PSD3: variants seen among roughly 807,000 people sequenced by gnomAD.
PSD3 encodes the protein pleckstrin and Sec7 domain containing 3.
In PSD3, 49 loss-of-function variants were observed where a neutral mutation model predicts 105.5. That is an observed-to-expected ratio of 0.46 (90% CI 0.37 to 0.59). The LOEUF (loss-of-function observed/expected upper bound fraction) is 0.59. Among genes scored for constraint, PSD3 ranks in the 20% least tolerant of loss-of-function variants. The pLI, the probability that PSD3 is intolerant of heterozygous loss-of-function variation, is 0.00. For synonymous variants in PSD3, 557 were observed against 457.8 expected, an observed-to-expected ratio of 1.22 and a Z score of -2.77; for missense variants, 1,561 against 1,263.8, an observed-to-expected ratio of 1.24 and a Z score of -3.57.
chr8:18,594,890 CT>C (rs1294644931), intron 12 of PSD3, among the ~76,000 whole-genome samples: 3 of 151,376 alleles, frequency 2.0e-5, no homozygotes, highest in Middle Eastern at 3.4e-3. Context: ...CTTTGTGGAA[CT>C]TTTTTTTTCT....
At chr8:18,832,279 C>T (rs1476057820) in intron 4 of PSD3, among the ~76,000 whole-genome samples, 2 of 152,090 alleles carry the variant, frequency 1.3e-5, no homozygotes, top group African/African-American at 2.4e-5. Flanking sequence ...TCTTGCTTCA[C>T]GTCCAAGGAT....
chr8:18,538,014 G>A (rs1179403244), intron 15 of PSD3, among the ~76,000 whole-genome samples: 1 of 152,168 alleles, frequency 6.6e-6, no homozygotes, highest in Admixed American at 6.5e-5. Context: ...ACATGGACAT[G>A]ACTCCTAAAG....
rs1447333039 is a variant in PSD3, at chr8:18,622,459, A to C, written c.2410+10154T>G. Reference sequence around the variant, plus strand: ...TGCTGTGCTAGATGAGAATTTAACAAACTTAACTATGCCATTCCATCTTCC... The same window carrying C: ...TGCTGTGCTAGATGAGAATTTAACACACTTAACTATGCCATTCCATCTTCC... On this transcript the variant is annotated intron_variant, in intron 11 of 15. Coordinates refer to ENST00000327040, the MANE Select transcript of PSD3 (RefSeq NM_015310.4). Among the ~76,000 whole-genome samples the C allele has an allele frequency of 2.0e-5, 3 of 152,220 alleles. No homozygotes were observed. The East Asian group carries it at 5.8e-4, about 29-fold the overall frequency.
intron 4 of PSD3, among the ~76,000 whole-genome samples, chr8:18,842,505 G>A (rs1018541452): frequency 3.3e-5 from 5 of 152,122 alleles, no homozygotes; most frequent in South Asian, 2.1e-4. Context: ...AGTCCGAGGC[G>A]GGCGGATCAC....
chr8:19,061,683 T>C (rs748429155), intron 1 of PSD3, among the ~76,000 whole-genome samples: 2 of 151,880 alleles, frequency 1.3e-5, no homozygotes, highest in Non-Finnish European at 2.9e-5. Flanking sequence ...GGTGTGCCTG[T>C]AATCCCAGCT....
chr8:19,027,957 T>C (rs182783543), intron 1 of PSD3, among the ~76,000 whole-genome samples: 7 of 152,328 alleles, frequency 4.6e-5, no homozygotes, highest in Admixed American at 4.6e-4. Context: ...CCTGGAGTGA[T>C]ATTACTGGGA....
intron 15 of PSD3, among the ~76,000 whole-genome samples, chr8:18,552,957 T>A (rs554678233): frequency 4.6e-5 from 7 of 152,290 alleles, no homozygotes; most frequent in African/African-American, 1.4e-4. Context: ...AATTTTTTTT[T>A]AAACCCTGTA....
chr8:18,830,334 G>C (rs1813583020), intron 4 of PSD3, among the ~76,000 whole-genome samples: 1 of 152,192 alleles, frequency 6.6e-6, no homozygotes, highest in African/African-American at 2.4e-5. Context: ...GGTCCTACAA[G>C]TGCTGTTGCT....
intron 4 of PSD3, among the ~76,000 whole-genome samples, chr8:18,844,231 C>T (rs1383468698): frequency 1.3e-5 from 2 of 152,012 alleles, no homozygotes; most frequent in African/African-American, 2.4e-5. Context: ...ACGAAGGTAC[C>T]ATGGAAAGAA....
intron 1 of PSD3, among the ~76,000 whole-genome samples, chr8:18,995,482 T>C (rs983732700): frequency 2.0e-5 from 3 of 151,848 alleles, no homozygotes; most frequent in African/African-American, 4.8e-5. Context: ...GTGGCAATAA[T>C]AGAGAAGTAG....
chr8:18,863,350 T>A (rs918995349), intron 4 of PSD3, among the ~76,000 whole-genome samples: 1 of 152,098 alleles, frequency 6.6e-6, no homozygotes. Flanking sequence ...AGTCTCTAAT[T>A]ATCCTTTCTA....
At chr8:18,858,267 A>G (rs567510757) in intron 4 of PSD3, among the ~76,000 whole-genome samples, 1 of 152,348 alleles carries the variant, frequency 6.6e-6, no homozygotes, top group Admixed American at 6.5e-5. Flanking sequence ...ATTTTGTCTA[A>G]AAACAACAGT....
intron 1 of PSD3, among the ~76,000 whole-genome samples, chr8:19,043,663 G>T (rs1379902119): frequency 6.6e-6 from 1 of 152,188 alleles, no homozygotes; most frequent in Non-Finnish European, 1.5e-5. Context: ...TAAGCACTAA[G>T]AGCTCCACAC....
intron 1 of PSD3, among the ~76,000 whole-genome samples, chr8:18,977,558 GTA>G: frequency 6.6e-6 from 1 of 152,068 alleles, no homozygotes; most frequent in South Asian, 2.1e-4. Context: ...ATGCTTATCT[GTA>G]TTTAAAAAGA....
intron 4 of PSD3, among the ~76,000 whole-genome samples, chr8:18,832,935 G>A (rs1019704461): frequency 7.2e-5 from 11 of 152,144 alleles, no homozygotes; most frequent in Non-Finnish European, 2.9e-5. Context: ...AATTAAAGAT[G>A]AGATTTGGGT....
chr8:19,030,667 A>C (rs146212921), intron 1 of PSD3, among the ~76,000 whole-genome samples: 2 of 152,254 alleles, frequency 1.3e-5, no homozygotes, highest in East Asian at 3.9e-4. Flanking sequence ...CTTCCTGTAC[A>C]GTCTACAGAA....
At chr8:18,819,035 A>G (rs566833768) in intron 4 of PSD3, among the ~76,000 whole-genome samples, 2 of 149,836 alleles carry the variant, frequency 1.3e-5, no homozygotes, top group African/African-American at 4.9e-5. Flanking sequence ...CCTCTAGGCC[A>G]CAAGGACTTA....
chr8:18,843,365 A>G lies in PSD3; in HGVS notation c.1634+24309T>C, dbSNP rs1397112965. ...AAAAAAAAGAGTTATTGCTCTAGGTAGACAAGTTGCAGCATGAGGAATTAG... is the reference window on the plus strand; with the variant it reads ...AAAAAAAAGAGTTATTGCTCTAGGTGGACAAGTTGCAGCATGAGGAATTAG... On this transcript the variant is annotated intron_variant, in intron 4 of 15. Transcript: ENST00000327040. Among the ~76,000 whole-genome samples the G allele has an allele frequency of 2.0e-5, 3 of 151,984 alleles. No homozygotes were observed. The East Asian group carries it at 5.8e-4, about 29-fold the overall frequency.
At chr8:18,758,796 C>CATAT (rs1332424811) in intron 9 of PSD3, among the ~76,000 whole-genome samples, 6 of 151,998 alleles carry the variant, frequency 3.9e-5, no homozygotes, top group Non-Finnish European at 8.8e-5. Context: ...TTTAAAACAA[C>CATAT]ATATATAATC....
Sources: gnomAD v4.1 joint callset for allele counts (sites outside exome capture counted in the v4.1 genomes callset) on GRCh38, gnomAD v4.1.1 for gene constraint, MANE v1.5 for transcripts, NCBI Gene and HGNC (gene_info 2026-07-23, HGNC 2026-07-21) for gene names.